PLXDC2: variants seen among roughly 807,000 people sequenced by gnomAD.
PLXDC2 encodes the protein plexin domain containing 2.
PLXDC2 carries 40 observed loss-of-function variants against 68.9 expected under a neutral mutation model. That is an observed-to-expected ratio of 0.58 (90% CI 0.45 to 0.76). The LOEUF is 0.76. Ranked by LOEUF, PLXDC2 falls within the 30% of genes least tolerant of loss-of-function variation. The pLI is 0.00. For synonymous variants in PLXDC2, 243 were observed against 234.2 expected, an observed-to-expected ratio of 1.04 and a Z score of -0.34; for missense variants, 644 against 661.9, an observed-to-expected ratio of 0.97 and a Z score of 0.30.
At position 20,279,653 on chromosome 10, in the gene PLXDC2, T is replaced by C. The variant is rs777477063; in HGVS notation, c.1474-50T>C. On this transcript the variant is annotated intron_variant, in intron 13 of 13. Transcript: ENST00000377252. ...GCTAGCAAATAGATTTTTCTGGTGCTAGAATCTTACCCTGACGCACATTTT... is the reference window on the plus strand; with the variant it reads ...GCTAGCAAATAGATTTTTCTGGTGCCAGAATCTTACCCTGACGCACATTTT... 2.8e-6 allele frequency: 4 copies of C among 1,448,094 alleles called. No individual in the cohort carries two copies. The African/African-American group carries it at 5.6e-5, about 20-fold the overall frequency. The allele number at this position is 1,448,094 out of a possible 1,614,324, so 89.7% of individuals were successfully genotyped here.
chr10:19,995,784 A>G (rs182664057), intron 1 of PLXDC2, among the ~76,000 whole-genome samples: 171 of 152,340 alleles, frequency 1.1e-3, no homozygotes, highest in African/African-American at 3.3e-3. Flanking sequence ...ATTATAGAAG[A>G]AAACTCAATT....
chr10:20,094,083 T>G (rs1833316499), intron 4 of PLXDC2, among the ~76,000 whole-genome samples: 1 of 152,180 alleles, frequency 6.6e-6, no homozygotes, highest in Non-Finnish European at 1.5e-5. Context: ...TTAAAATACA[T>G]GGATAAAACT....
intron 4 of PLXDC2, among the ~76,000 whole-genome samples, chr10:20,078,010 G>C (rs781339266): frequency 6.6e-6 from 1 of 151,884 alleles, no homozygotes; most frequent in African/African-American, 2.4e-5. Context: ...AAAATGCCTT[G>C]AAAACACAAC....
intron 4 of PLXDC2, among the ~76,000 whole-genome samples, chr10:20,089,212 G>T (rs999977850): frequency 1.4e-5 from 2 of 141,366 alleles, no homozygotes; most frequent in Non-Finnish European, 1.5e-5. Context: ...GTGTGTGTGT[G>T]TGTTTAAATA....
intron 1 of PLXDC2, among the ~76,000 whole-genome samples, chr10:19,959,492 C>T (rs1036713669): frequency 6.6e-6 from 1 of 152,190 alleles, no homozygotes; most frequent in Admixed American, 6.5e-5. Flanking sequence ...TTAGCAAGGA[C>T]ATTGTCCAAG....
intron 13 of PLXDC2, among the ~76,000 whole-genome samples, chr10:20,278,818 T>G (rs1836043270): frequency 6.6e-6 from 1 of 152,204 alleles, no homozygotes; most frequent in Admixed American, 6.5e-5. Flanking sequence ...ATTTATCATC[T>G]TATTTAGCCC....
intron 1 of PLXDC2, among the ~76,000 whole-genome samples, chr10:19,897,927 A>G (rs901366640): frequency 6.6e-6 from 1 of 152,188 alleles, no homozygotes; most frequent in African/African-American, 2.4e-5. Context: ...TGCGAAAATG[A>G]AAGTTCTATC....
At chr10:19,847,837 A>G (rs1837038861) in intron 1 of PLXDC2, among the ~76,000 whole-genome samples, 1 of 152,236 alleles carries the variant, frequency 6.6e-6, no homozygotes, top group South Asian at 2.1e-4. Context: ...ACTGATGGTT[A>G]CAGTGATATA....
At position 19,865,322 on chromosome 10, in the gene PLXDC2, A is replaced by G. The variant is rs564682828; in HGVS notation, c.112+48131A>G. Among the ~76,000 whole-genome samples the G allele has an allele frequency of 4.6e-5, 7 of 152,328 alleles. No individual in the cohort carries two copies. In the South Asian group the frequency reaches 1.4e-3, roughly 32 times the overall value. On this transcript the variant is annotated intron_variant, in intron 1 of 13. Transcript: ENST00000377252. ...AATCTTTTGCTTTCATATTGAGCTT[A>G]AGAGTTCAGAACACTGATGGAAAAA...
At chr10:19,844,533 C>A (rs1250174619) in intron 1 of PLXDC2, among the ~76,000 whole-genome samples, 2 of 151,984 alleles carry the variant, frequency 1.3e-5, no homozygotes, top group African/African-American at 4.8e-5. Context: ...ATGTTGAGGT[C>A]CTATAAAAGG....
intron 4 of PLXDC2, among the ~76,000 whole-genome samples, chr10:20,119,293 C>T (rs1215147421): frequency 3.3e-5 from 5 of 150,996 alleles, no homozygotes; most frequent in East Asian, 2.0e-4. Flanking sequence ...GGGCTGAGTC[C>T]GAAAAGAGAG....
chr10:19,966,216 G>A (rs912318199), intron 1 of PLXDC2, among the ~76,000 whole-genome samples: 8 of 125,508 alleles, frequency 6.4e-5, no homozygotes, highest in South Asian at 2.2e-4. Context: ...TATATACTAC[G>A]TATACATATA....
chr10:19,855,233 TTG>T (rs1326616519), intron 1 of PLXDC2, among the ~76,000 whole-genome samples: 2 of 151,902 alleles, frequency 1.3e-5, no homozygotes, highest in Admixed American at 6.6e-5. Flanking sequence ...GATTTTGTTG[TTG>T]TTGTTGTTGT....
At chr10:19,960,129 A>G (rs1834132088) in intron 1 of PLXDC2, among the ~76,000 whole-genome samples, 1 of 146,512 alleles carries the variant, frequency 6.8e-6, no homozygotes, top group Non-Finnish European at 1.5e-5. Flanking sequence ...GGGCTGAGGT[A>G]GAAGGATTGC....
At chr10:19,852,734 ATC>A (rs1001716612) in intron 1 of PLXDC2, among the ~76,000 whole-genome samples, 4 of 152,168 alleles carry the variant, frequency 2.6e-5, no homozygotes, top group Admixed American at 2.0e-4. Context: ...TTAATAAAAA[ATC>A]TGTGTTTTTA....
intron 4 of PLXDC2, among the ~76,000 whole-genome samples, chr10:20,094,193 G>T (rs1040004217): frequency 1.3e-5 from 2 of 152,174 alleles, no homozygotes; most frequent in South Asian, 4.1e-4. Context: ...TGGATTTTTA[G>T]CTGAAGTAAA....
chr10:20,226,964 T>C (rs537981702), intron 12 of PLXDC2, among the ~76,000 whole-genome samples: 2 of 152,180 alleles, frequency 1.3e-5, no homozygotes, highest in East Asian at 3.9e-4. Flanking sequence ...GAACAGGTTT[T>C]GTGTTACCCA....
chr10:19,938,666 G>T (rs1443657483), intron 1 of PLXDC2, among the ~76,000 whole-genome samples: 1 of 152,158 alleles, frequency 6.6e-6, no homozygotes, highest in African/African-American at 2.4e-5. Flanking sequence ...TGAGATTTGG[G>T]CAGAGGCACA....
At chr10:19,938,586 G>A (rs1039241237) in intron 1 of PLXDC2, among the ~76,000 whole-genome samples, 2 of 152,066 alleles carry the variant, frequency 1.3e-5, no homozygotes, top group African/African-American at 4.8e-5. Flanking sequence ...CACCAACAGG[G>A]AAATCAGTCC....
Sources: allele counts gnomAD v4.1 joint callset (sites outside exome capture counted in the v4.1 genomes callset), GRCh38; gene constraint gnomAD v4.1.1; transcripts MANE v1.5; gene names NCBI Gene and HGNC (gene_info 2026-07-23, HGNC 2026-07-21).